Variants in PCDH9 observed in about 807,000 individuals in gnomAD.
PCDH9 encodes the protein protocadherin 9, also known as protocadherin-9.
PCDH9 carries 24 observed loss-of-function variants against 70.6 expected under a neutral mutation model. The ratio of observed to expected loss-of-function variants is 0.34; its 90% CI spans 0.25 to 0.48. The LOEUF (loss-of-function observed/expected upper bound fraction) is 0.48. Among genes scored for constraint, PCDH9 ranks in the 20% least tolerant of loss-of-function variants. The pLI is 0.99. For missense variants in PCDH9, 1,281 were observed against 1,503.6 expected (o/e 0.85, Z 2.45); for synonymous variants, 562 against 558.5 (o/e 1.01, Z -0.09).
chr13:67,210,627 T>TA (rs139071547), intron 2 of PCDH9: 1 of 151,698 alleles, frequency 6.6e-6, no homozygotes, highest in African/African-American at 2.4e-5. Flanking sequence ...ATAATAGAAA[T>TA]AAAAAAATGG....
chr13:66,941,081 A>T (rs1166140404), intron 2 of PCDH9, among the ~76,000 whole-genome samples: 1 of 151,866 alleles, frequency 6.6e-6, no homozygotes, highest in Non-Finnish European at 1.5e-5. Context: ...ATAAAATACA[A>T]TTTTACTTTT....
At chr13:66,697,697 A>G (rs1229404584) in intron 3 of PCDH9, among the ~76,000 whole-genome samples, 1 of 152,150 alleles carries the variant, frequency 6.6e-6, no homozygotes, top group Non-Finnish European at 1.5e-5. Context: ...ACAGCAATGA[A>G]ATTGCCTCTA....
chr13:66,721,152 CTGT>C (rs1156629065), intron 3 of PCDH9, among the ~76,000 whole-genome samples: 1 of 152,096 alleles, frequency 6.6e-6, no homozygotes, highest in Non-Finnish European at 1.5e-5. Context: ...AACCGTCATG[CTGT>C]TGTTGTACAG....
chr13:66,520,825 G>A (rs1301595968), intron 4 of PCDH9, among the ~76,000 whole-genome samples: 1 of 152,054 alleles, frequency 6.6e-6, no homozygotes, highest in Non-Finnish European at 1.5e-5. Flanking sequence ...CTGTTTCTGT[G>A]ACATCAGGAA....
At chr13:66,859,769 G>T (rs977489597) in intron 3 of PCDH9, among the ~76,000 whole-genome samples, 1 of 152,064 alleles carries the variant, frequency 6.6e-6, no homozygotes, top group African/African-American at 2.4e-5. Flanking sequence ...CATGAAGAAG[G>T]TACATGCGGA....
chr13:66,909,904 C>CA (rs542679488), intron 2 of PCDH9, among the ~76,000 whole-genome samples: 261 of 152,226 alleles, frequency 1.7e-3, no homozygotes, highest in Non-Finnish European at 2.1e-3. Flanking sequence ...GTGGATTTTG[C>CA]AAAGTTCACC....
chr13:67,059,993 G>C (rs1440226377), intron 2 of PCDH9, among the ~76,000 whole-genome samples: 1 of 151,582 alleles, frequency 6.6e-6, no homozygotes, highest in Non-Finnish European at 1.5e-5. Flanking sequence ...CTGTGTATGG[G>C]GGTATGAGTA....
intron 3 of PCDH9, among the ~76,000 whole-genome samples, chr13:66,689,490 AT>A (rs201322722): frequency 1.3e-5 from 2 of 152,116 alleles, no homozygotes; most frequent in East Asian, 3.9e-4. Flanking sequence ...AGATAAATCA[AT>A]TTTTTTCAGG....
intron 4 of PCDH9, among the ~76,000 whole-genome samples, chr13:66,526,017 A>C (rs1270635412): frequency 6.6e-6 from 1 of 152,012 alleles, no homozygotes; most frequent in East Asian, 1.9e-4. Flanking sequence ...CATTGATCTG[A>C]TTCCCCCAAT....
At chr13:66,548,031 A>ATGTT (rs201450740) in intron 4 of PCDH9, among the ~76,000 whole-genome samples, 4,711 of 150,750 alleles carry the variant, frequency 0.031, 233 homozygotes, top group African/African-American at 0.11. Flanking sequence ...GTATGTATGT[A>ATGTT]TGTTTGTGTT....
At chr13:66,494,670 T>A (rs1460270113) in intron 4 of PCDH9, among the ~76,000 whole-genome samples, 6 of 152,180 alleles carry the variant, frequency 3.9e-5, no homozygotes, top group East Asian at 1.9e-4. Flanking sequence ...ATGTACATTT[T>A]AAAAATCTTT....
intron 3 of PCDH9, among the ~76,000 whole-genome samples, chr13:66,686,893 A>T (rs1362227964): frequency 1.3e-5 from 2 of 152,190 alleles, no homozygotes; most frequent in African/African-American, 4.8e-5. Context: ...AATTTAAATT[A>T]TAACCTCCAA....
chr13:66,919,645 G>A (rs1298692916), intron 2 of PCDH9, among the ~76,000 whole-genome samples: 1 of 151,056 alleles, frequency 6.6e-6, no homozygotes, highest in Non-Finnish European at 1.5e-5. Context: ...GAGTTTGCAC[G>A]GAGGCACAGT....
chr13:67,155,280 C>T (rs2087781745), intron 2 of PCDH9, among the ~76,000 whole-genome samples: 1 of 152,138 alleles, frequency 6.6e-6, no homozygotes, highest in Non-Finnish European at 1.5e-5. Flanking sequence ...TATTTCAGTG[C>T]TTCAGGCTTT....
chr13:66,805,625 G>A (rs2080397561), intron 3 of PCDH9, among the ~76,000 whole-genome samples: 1 of 152,018 alleles, frequency 6.6e-6, no homozygotes, highest in Admixed American at 6.6e-5. Context: ...TGTCCACTGG[G>A]ACTGTAACAT....
intron 2 of PCDH9, among the ~76,000 whole-genome samples, chr13:67,085,340 C>CAA (rs138857015): frequency 1.4e-4 from 21 of 150,678 alleles, no homozygotes; most frequent in Middle Eastern, 3.4e-3. Flanking sequence ...CAAAACATAA[C>CAA]AAAAAAAACT....
rs184561137 is a variant in PCDH9 at position 66,760,816 on chromosome 13, G to A, written c.3139-129405C>T. ...GAAAAGAATGCATTCCCAGGGGGAGGTCTCGAAAATGGCTGCTCTGGGAGT... is the reference window on the plus strand; with the variant it reads ...GAAAAGAATGCATTCCCAGGGGGAGATCTCGAAAATGGCTGCTCTGGGAGT... On this transcript the variant is annotated intron_variant, in intron 3 of 4. Transcript: ENST00000377865. Among the ~76,000 whole-genome samples the A allele has an allele frequency of 7.1e-3, 1,086 of 152,218 alleles. 17 individuals are homozygous for A. The highest frequency in any genetic ancestry group is 0.01 in the Middle Eastern group (3 of 294).
intron 4 of PCDH9, among the ~76,000 whole-genome samples, chr13:66,454,748 T>A (rs1470704687): frequency 6.6e-6 from 1 of 152,156 alleles, no homozygotes; most frequent in Middle Eastern, 3.2e-3. Context: ...GAATGCAAAT[T>A]TTAAGAGTAT....
At chr13:66,817,562 A>C (rs2080630742) in intron 3 of PCDH9, among the ~76,000 whole-genome samples, 8 of 152,164 alleles carry the variant, frequency 5.3e-5, no homozygotes, top group Admixed American at 5.2e-4. Flanking sequence ...AGACTTTCTT[A>C]GTAAAATCAC....
Sources: gnomAD v4.1 joint callset for allele counts (sites outside exome capture counted in the v4.1 genomes callset) on GRCh38, gnomAD v4.1.1 for gene constraint, MANE v1.5 for transcripts, NCBI Gene and HGNC (gene_info 2026-07-23, HGNC 2026-07-21) for gene names.